CPNE5: variants seen among roughly 807,000 people sequenced by gnomAD.
CPNE5 encodes copine-5.
Under a neutral mutation model 81.1 loss-of-function variants are expected in CPNE5, and 42 were observed. The ratio of observed to expected loss-of-function variants is 0.52; its 90% CI spans 0.40 to 0.67. CPNE5 has a LOEUF of 0.67. Ranked by LOEUF, CPNE5 falls within the 30% of genes least tolerant of loss-of-function variation. CPNE5 has a pLI of 0.00. For synonymous variants in CPNE5, 313 were observed against 321.5 expected, an observed-to-expected ratio of 0.97 and a Z score of 0.28; for missense variants, 612 against 815.5, an observed-to-expected ratio of 0.75 and a Z score of 3.04.
intron 10 of CPNE5, among the ~76,000 whole-genome samples, chr6:36,769,210 C>G (rs1238716501): frequency 6.6e-6 from 1 of 152,148 alleles, no homozygotes; most frequent in African/African-American, 2.4e-5. Context: ...CTCCTAGCAA[C>G]GTGATGAAAT....
intron 3 of CPNE5, 44 bp from the exon 4 acceptor site, chr6:36,800,114 G>A (rs530278841): frequency 4.0e-5 from 58 of 1,451,296 alleles, no homozygotes; most frequent in South Asian, 7.2e-5. Context: ...CGGGCTGGTG[G>A]GGCCGGCTGG....
chr6:36,793,734 C>T (rs917080110), intron 7 of CPNE5, among the ~76,000 whole-genome samples: 7 of 152,202 alleles, frequency 4.6e-5, no homozygotes, highest in East Asian at 1.9e-4. Flanking sequence ...TCCCCGGGCC[C>T]GCCGGAGGCC....
chr6:36,776,615 G>C (rs1767529120), intron 9 of CPNE5, among the ~76,000 whole-genome samples: 1 of 152,094 alleles, frequency 6.6e-6, no homozygotes, highest in African/African-American at 2.4e-5. Flanking sequence ...GCCCTGCTAG[G>C]CTCCAAATAC....
At chr6:36,768,474 C>T (rs368600309) in intron 10 of CPNE5, among the ~76,000 whole-genome samples, 8 of 151,920 alleles carry the variant, frequency 5.3e-5, no homozygotes, top group African/African-American at 1.2e-4. Flanking sequence ...TCAAGTGATC[C>T]GCCCACCTTG....
rs559082715 is a variant in CPNE5 at position 36,834,183 on chromosome 6, C to G, written c.95+5100G>C. 7.2e-5 allele frequency among the ~76,000 whole-genome samples: 10 copies of G among 139,828 alleles called. No homozygotes were observed. The South Asian group carries it at 1.6e-3, about 22-fold the overall frequency. The allele number at this position is 139,828 out of a possible 152,430, so 91.7% of individuals were successfully genotyped here. ...CTAAGGCAGGAGGATCGCTTGAGCC[C>G]AGGAGTTGGAGGCTGCATTGAGCTG... On this transcript the variant is annotated intron_variant, in intron 1 of 20. Coordinates refer to ENST00000244751, the MANE Select transcript of CPNE5 (RefSeq NM_020939.2).
intron 19 of CPNE5, 118 bp downstream of exon 19, chr6:36,744,150 T>C (rs1763852945): frequency 3.5e-6 from 3 of 857,646 alleles, no homozygotes; most frequent in East Asian, 5.3e-5. Context: ...GCGGGAGCTC[T>C]CACTCTTTTG....
intron 14 of CPNE5, among the ~76,000 whole-genome samples, chr6:36,749,199 G>A (rs540610205): frequency 1.3e-5 from 2 of 151,864 alleles, no homozygotes; most frequent in African/African-American, 4.8e-5. Flanking sequence ...GCCTCCCAAA[G>A]TGCTGGGATT....
chr6:36,833,500 A>C (rs971392483), intron 1 of CPNE5, among the ~76,000 whole-genome samples: 1 of 152,242 alleles, frequency 6.6e-6, no homozygotes, highest in African/African-American at 2.4e-5. Flanking sequence ...GTTACTTTAC[A>C]TAAGACTCTG....
chr6:36,752,348 C>T (rs997862577), intron 14 of CPNE5, among the ~76,000 whole-genome samples: 29 of 152,144 alleles, frequency 1.9e-4, no homozygotes, highest in Admixed American at 5.2e-4. Flanking sequence ...GCTGGGGCCT[C>T]CTGGCTCCCC....
chr6:36,754,856 G>C (rs1765253288), intron 13 of CPNE5: 1 of 152,208 alleles, frequency 6.6e-6, no homozygotes, highest in South Asian at 2.1e-4. Flanking sequence ...TTCTCATAAT[G>C]ACTGGGGCTC....
intron 1 of CPNE5, among the ~76,000 whole-genome samples, chr6:36,824,207 G>GT (rs1245042910): frequency 1.3e-5 from 2 of 152,212 alleles, no homozygotes; most frequent in Non-Finnish European, 2.9e-5. Context: ...GGGCCAGAAA[G>GT]TTTATGCTCC....
At chr6:36,823,131 G>A (rs752934105) in intron 1 of CPNE5, 33 bp from the exon 2 acceptor site, 21 of 1,518,990 alleles carry the variant, frequency 1.4e-5, no homozygotes, top group African/African-American at 9.7e-5. Context: ...GGGTTAGCAC[G>A]GCCAGCTGAG....
In CPNE5 at chr6:36,746,544, A is replaced by T; in HGVS notation, c.1052T>A (p.Met351Lys). ...GTAGGCGTTCAGCTGGTAGGGGCTC[A>T]TGTAGTGCAGGGATGTGGACTGTGA... ...NPSQSTSLHY[M>K]SPYQLNAYAL... Residue 351 changes from methionine (M) to lysine (K), a missense_variant, in exon 16 of 21, where the codon ATG becomes AAG. Coordinates refer to ENST00000244751, the MANE Select transcript of CPNE5 (RefSeq NM_020939.2). This position sits in a 1 kb window ranked among gnomAD's most constrained non-coding sequence, Gnocchi z 4.5. The T allele has an allele frequency of 6.2e-7, 1 of 1,613,652 alleles. No individual in the cohort carries two copies. The highest frequency in any genetic ancestry group is 8.5e-7 in the Non-Finnish European group (1 of 1,179,684).
chr6:36,786,796 G>A (rs759691450), intron 8 of CPNE5, among the ~76,000 whole-genome samples: 3 of 152,234 alleles, frequency 2.0e-5, no homozygotes, highest in South Asian at 2.1e-4. Context: ...GAAAAATTAC[G>A]TACATGGACA....
intron 3 of CPNE5, among the ~76,000 whole-genome samples, chr6:36,813,084 G>A (rs1771239760): frequency 6.6e-6 from 1 of 152,238 alleles, no homozygotes; most frequent in Admixed American, 6.5e-5. Context: ...TGGATCCCCT[G>A]TGTTCATGCC....
rs555581790 is a variant in CPNE5, at chr6:36,747,762, G to A, written c.1018+459C>T. Among the ~76,000 whole-genome samples the A allele has an allele frequency of 2.6e-5, 4 of 152,340 alleles. No homozygotes were observed. The East Asian group carries it at 7.7e-4, about 29-fold the overall frequency. ...CACAGGCTGACACTGGAGAAATTGG[G>A]AGGAGGTAAGGAAGCCAGGGCAGCC... On this transcript the variant is annotated intron_variant, in intron 15 of 20. Transcript: ENST00000244751.
At chr6:36,800,624 C>T (rs1770023729) in intron 3 of CPNE5, among the ~76,000 whole-genome samples, 1 of 152,204 alleles carries the variant, frequency 6.6e-6, no homozygotes. Flanking sequence ...GTATTCATGC[C>T]CTTGCATAAT....
chr6:36,750,737 C>A (rs547202437), intron 14 of CPNE5, among the ~76,000 whole-genome samples: 1 of 152,138 alleles, frequency 6.6e-6, no homozygotes, highest in African/African-American at 2.4e-5. Flanking sequence ...GTGAAAGTCC[C>A]GCTCCCAGGG....
chr6:36,798,529 G>A, intron 4 of CPNE5, 35 bp from the exon 5 acceptor site: 1 of 1,608,406 alleles, frequency 6.2e-7, no homozygotes, highest in Non-Finnish European at 8.5e-7. Flanking sequence ...GAAGGCAGCT[G>A]CGGACGTTCT....
Sources: gnomAD v4.1 joint callset for allele counts (sites outside exome capture counted in the v4.1 genomes callset) on GRCh38, gnomAD v4.1.1 for gene constraint, Gnocchi (gnomAD v3.1) non-coding constraint, MANE v1.5 for transcripts, NCBI Gene and HGNC (gene_info 2026-07-23, HGNC 2026-07-21) for gene names.